SLC38A8: variants seen among roughly 807,000 people sequenced by gnomAD.
SLC38A8 encodes amino acid transporter SLC38A8.
Under a neutral mutation model 46.0 loss-of-function variants are expected in SLC38A8, and 65 were observed. The observed-to-expected ratio is 1.41, with a 90% CI of 1.16 to 1.74. The LOEUF (loss-of-function observed/expected upper bound fraction) is 1.74. SLC38A8 is among the 40% of genes most tolerant of loss of function. The pLI is 0.00. For missense variants in SLC38A8, 998 were observed against 567.9 expected (o/e 1.76, Z -7.70); for synonymous variants, 447 against 243.7 (o/e 1.83, Z -7.77).
chr16:84,039,054 T>C (rs994911670), intron 2 of SLC38A8, among the ~76,000 whole-genome samples: 1 of 152,154 alleles, frequency 6.6e-6, no homozygotes, highest in African/African-American at 2.4e-5. Context: ...TTGGATCTGG[T>C]GGGCCCTCAA....
At chr16:84,013,832 G>T (rs1231738578) in intron 9 of SLC38A8, among the ~76,000 whole-genome samples, 1 of 151,804 alleles carries the variant, frequency 6.6e-6, no homozygotes, top group African/African-American at 2.4e-5. Flanking sequence ...GTCCTGGGCA[G>T]TCCTTCCCAC....
At chr16:84,012,526 G>A (rs996352168) in intron 10 of SLC38A8, among the ~76,000 whole-genome samples, 10 of 152,204 alleles carry the variant, frequency 6.6e-5, no homozygotes, top group Non-Finnish European at 1.0e-4. Flanking sequence ...TCAGCTGTAG[G>A]ATGAAGACAT....
intron 2 of SLC38A8, among the ~76,000 whole-genome samples, chr16:84,040,836 C>G (rs190659148): frequency 6.6e-6 from 1 of 152,196 alleles, no homozygotes; most frequent in Admixed American, 6.5e-5. Flanking sequence ...TGCATCTTGT[C>G]TGACTTCCCA....
chr16:84,019,084 A>ATT (rs879791868), intron 7 of SLC38A8, among the ~76,000 whole-genome samples: 1 of 147,666 alleles, frequency 6.8e-6, no homozygotes, highest in Non-Finnish European at 1.5e-5. Flanking sequence ...TCCAAAAAAA[A>ATT]TTTTTTTTTT....
intron 6 of SLC38A8, among the ~76,000 whole-genome samples, chr16:84,023,585 A>G (rs1400302639): frequency 2.0e-5 from 3 of 152,144 alleles, no homozygotes; most frequent in Admixed American, 2.0e-4. Context: ...CAGTCAGAAC[A>G]ATGAACACCA....
chr16:84,026,958 T>C (rs1001740524), intron 6 of SLC38A8, among the ~76,000 whole-genome samples: 1 of 152,200 alleles, frequency 6.6e-6, no homozygotes, highest in African/African-American at 2.4e-5. Flanking sequence ...GTGGTGATGG[T>C]TGCACAGCTC....
At chr16:84,033,283 C>T (rs750556684) in intron 4 of SLC38A8, 45 bp downstream of exon 4, 3 of 1,613,148 alleles carry the variant, frequency 1.9e-6, no homozygotes, top group East Asian at 2.2e-5. Context: ...GACACAAACA[C>T]TCAGCAAGGT....
At chr16:84,032,120 G>A (rs184946434) in intron 4 of SLC38A8, 152 bp from the exon 5 acceptor site, 25 of 638,056 alleles carry the variant, frequency 3.9e-5, no homozygotes, top group Admixed American at 1.4e-4. Context: ...CATCTGTACA[G>A]GGGGCATGTG....
intron 7 of SLC38A8, among the ~76,000 whole-genome samples, chr16:84,020,259 T>G (rs1398554692): frequency 6.6e-6 from 1 of 151,028 alleles, no homozygotes; most frequent in Non-Finnish European, 1.5e-5. Context: ...TCCCTCCTCC[T>G]CAGCCTCCTG....
At chr16:84,024,514 C>T (rs915267964) in intron 6 of SLC38A8, among the ~76,000 whole-genome samples, 4 of 151,090 alleles carry the variant, frequency 2.6e-5, no homozygotes, top group Admixed American at 1.3e-4. Flanking sequence ...GGAGCGGTGG[C>T]TCACGCCTGT....
intron 5 of SLC38A8, among the ~76,000 whole-genome samples, chr16:84,030,340 G>A (rs1439183624): frequency 6.6e-6 from 1 of 152,108 alleles, no homozygotes; most frequent in Admixed American, 6.6e-5. Context: ...ATCACCTCCT[G>A]TTTTTACCAG....
At chr16:84,015,461 T>C (rs1268419971) in intron 9 of SLC38A8, among the ~76,000 whole-genome samples, 1 of 152,044 alleles carries the variant, frequency 6.6e-6, no homozygotes, top group African/African-American at 2.4e-5. Context: ...GACTTTCACA[T>C]ATACGATTTT....
intron 7 of SLC38A8, among the ~76,000 whole-genome samples, chr16:84,018,034 G>T (rs2085051797): frequency 6.6e-6 from 1 of 151,998 alleles, no homozygotes; most frequent in Admixed American, 6.6e-5. Context: ...ATTTTTTGTT[G>T]CTTACAACAG....
Position 84,031,914 on chromosome 16 carries a change from G to C in SLC38A8, c.585C>G (p.Tyr195Ter), listed in dbSNP as rs764094963. The C allele has an allele frequency of 6.2e-7, 1 of 1,614,098 alleles. No homozygotes were observed. Among genetic ancestry groups the C allele is most frequent in the Admixed American group, 1.7e-5 (1 of 60,014 alleles). The change falls in exon 5 of 11, where the codon TAC becomes TAG. Residue 195 changes from tyrosine to a stop codon, truncating the protein, a stop_gained. Transcript: ENST00000299709. LOFTEE classifies it high-confidence loss of function. Reference sequence around the variant, plus strand: ...GCACGAGGCCCTGGGGCCAGAGGTAGTACTGCACGGTGATGACCAGGGCCA... The same window carrying C: ...GCACGAGGCCCTGGGGCCAGAGGTACTACTGCACGGTGATGACCAGGGCCA... ...CYLALVITVQ[Y>*]YLWPQGLVRE...
At chr16:84,027,628 T>C (rs777436460) in intron 6 of SLC38A8, among the ~76,000 whole-genome samples, 9 of 152,156 alleles carry the variant, frequency 5.9e-5, no homozygotes, top group Non-Finnish European at 1.0e-4. Context: ...GTTACATTTA[T>C]TCTCCCCCGC....
At chr16:84,014,238 C>G (rs1466822361) in intron 9 of SLC38A8, among the ~76,000 whole-genome samples, 2 of 150,892 alleles carry the variant, frequency 1.3e-5, no homozygotes, top group African/African-American at 2.4e-5. Flanking sequence ...GAAAGCTCCA[C>G]CCTAAGCCCG....
chr16:84,027,472 C>G (rs551436596), intron 6 of SLC38A8, among the ~76,000 whole-genome samples: 24 of 152,348 alleles, frequency 1.6e-4, no homozygotes, highest in African/African-American at 5.8e-4. Context: ...ACTGACTGGA[C>G]AGGCCTGGGG....
At chr16:84,015,703 G>A (rs2085017175) in intron 9 of SLC38A8, among the ~76,000 whole-genome samples, 1 of 152,136 alleles carries the variant, frequency 6.6e-6, no homozygotes, top group African/African-American at 2.4e-5. Flanking sequence ...CCAGGGACTA[G>A]GTAATGGTTT....
At chr16:84,033,627 G>C (rs772120189) in intron 3 of SLC38A8, among the ~76,000 whole-genome samples, 158 bp from the exon 4 acceptor site, 5 of 152,032 alleles carry the variant, frequency 3.3e-5, no homozygotes, top group African/African-American at 1.2e-4. Flanking sequence ...GACAGGTCAC[G>C]TGCCCCACGC....
Sources: allele counts gnomAD v4.1 joint callset (sites outside exome capture counted in the v4.1 genomes callset), GRCh38; gene constraint gnomAD v4.1.1; transcripts MANE v1.5; gene names NCBI Gene and HGNC (gene_info 2026-07-23, HGNC 2026-07-21).